Variants in AVEN observed in about 807,000 individuals in gnomAD.
AVEN encodes the protein cell death regulator Aven.
Under a neutral mutation model 38.1 loss-of-function variants are expected in AVEN, and 41 were observed. The observed-to-expected ratio is 1.08, with a 90% CI of 0.84 to 1.40. AVEN has a LOEUF of 1.40. AVEN is among the 40% of genes most tolerant of loss of function. AVEN has a pLI of 0.00. For missense variants in AVEN, 605 were observed against 438.8 expected, an observed-to-expected ratio of 1.38 and a Z score of -3.38; for synonymous variants, 206 against 171.8, an observed-to-expected ratio of 1.20 and a Z score of -1.56.
chr15:33,867,738 G>C lies in AVEN; in HGVS notation c.730C>G (p.Leu244Val). Residue 244 changes from leucine to valine, a missense_variant, in exon 5 of 6, where the codon CTG becomes GTG. By Grantham distance (32) the Leu-to-Val change is conservative. Transcript: ENST00000306730. ...GPGGRGPIFE[L>V]KSVAAGCPVL... Reference sequence around the variant, plus strand: ...GGGCAGCCAGCAGCCACAGATTTCAGCTCAAAGATGGGCCCCCTTCCTCCA... The same window carrying C: ...GGGCAGCCAGCAGCCACAGATTTCACCTCAAAGATGGGCCCCCTTCCTCCA... 3 of 1,614,156 alleles carry C rather than the reference G, an allele frequency of 1.9e-6. No homozygotes were observed. The highest frequency in any genetic ancestry group is 1.6e-4 in the Middle Eastern group (1 of 6,062).
rs1242678505 is a variant in AVEN, at chr15:33,908,330, T to A, written c.446-32335A>T. 4.1e-4 allele frequency among the ~76,000 whole-genome samples: 16 copies of A among 39,212 alleles called. 5 individuals carry two copies. Among genetic ancestry groups the A allele is most frequent in the Admixed American group, 4.0e-3 (13 of 3,214 alleles). 25.7% of individuals were successfully genotyped at this position (39,212 alleles called of 152,430 possible). A position where few individuals can be genotyped will look rare whatever the true frequency, so the allele number is the denominator to read the frequency against. ...TGCCTGCAATTAAGAAGCCATCACC[T>A]TTGTGTTATGACAGTTTTCTTCCTT... On this transcript the variant is annotated intron_variant, in intron 2 of 5. Coordinates refer to ENST00000306730, the MANE Select transcript of AVEN (RefSeq NM_020371.3).
intron 2 of AVEN, chr15:33,991,805 A>T (rs1158512268): frequency 6.6e-6 from 1 of 152,288 alleles, no homozygotes; most frequent in Non-Finnish European, 1.5e-5. Flanking sequence ...GTAGAAAAAG[A>T]AACACTGAAA....
chr15:33,872,686 G>C (rs1346026619), intron 3 of AVEN, among the ~76,000 whole-genome samples: 2 of 152,154 alleles, frequency 1.3e-5, no homozygotes, highest in Non-Finnish European at 2.9e-5. Context: ...AGTCCTACTG[G>C]ATAAGTCACC....
At chr15:33,980,180 C>A (rs549568661) in intron 2 of AVEN, among the ~76,000 whole-genome samples, 26 of 152,268 alleles carry the variant, frequency 1.7e-4, no homozygotes, top group African/African-American at 5.1e-4. Context: ...GAGCTGAAGA[C>A]ACATTAAAGT....
chr15:33,927,154 C>T (rs1373051745), intron 2 of AVEN, among the ~76,000 whole-genome samples: 1 of 151,816 alleles, frequency 6.6e-6, no homozygotes, highest in Non-Finnish European at 1.5e-5. Context: ...ACTGGGGAGG[C>T]TGAGGCAGGA....
At chr15:33,890,623 TAAG>T (rs1003840834) in intron 2 of AVEN, among the ~76,000 whole-genome samples, 1 of 151,736 alleles carries the variant, frequency 6.6e-6, no homozygotes, top group African/African-American at 2.4e-5. Context: ...ATAACTCAAA[TAAG>T]AACAAGTGGG....
chr15:33,958,593 G>A (rs58684861), intron 2 of AVEN, among the ~76,000 whole-genome samples: 39,317 of 121,952 alleles, frequency 0.32, 7,050 homozygotes, highest in African/African-American at 0.56. Flanking sequence ...CCTATCTCAA[G>A]AAAAAAAAAA....
At chr15:33,873,254 C>T (rs905946550) in intron 3 of AVEN, among the ~76,000 whole-genome samples, 1 of 150,930 alleles carries the variant, frequency 6.6e-6, no homozygotes, top group Non-Finnish European at 1.5e-5. Context: ...CGTGCCCCAC[C>T]ACGCCCAGCT....
intron 2 of AVEN, among the ~76,000 whole-genome samples, chr15:33,974,736 G>A (rs553236419): frequency 1.3e-5 from 2 of 152,320 alleles, no homozygotes; most frequent in African/African-American, 4.8e-5. Context: ...ACTTTGGGAG[G>A]CCGAGGCAGG....
intron 2 of AVEN, among the ~76,000 whole-genome samples, chr15:33,966,728 C>T (rs2140483756): frequency 6.6e-6 from 1 of 152,234 alleles, no homozygotes; most frequent in South Asian, 2.1e-4. Context: ...GTGTGGCACA[C>T]AAGTTATTTT....
At chr15:34,055,336 A>C (rs973716219) in intron 5 of AVEN, among the ~76,000 whole-genome samples, 6 of 151,610 alleles carry the variant, frequency 4.0e-5, no homozygotes, top group African/African-American at 1.5e-4. Flanking sequence ...CATCTCTACT[A>C]AAAATACAAA....
downstream of AVEN, among the ~76,000 whole-genome samples, chr15:33,857,129 T>TA (rs2079761844): frequency 6.6e-6 from 1 of 152,182 alleles, no homozygotes; most frequent in South Asian, 2.1e-4. Flanking sequence ...TAATGCCCTA[T>TA]ACATTAGTCT....
downstream of AVEN, chr15:33,864,127 C>T (rs1597140874): frequency 2.5e-6 from 4 of 1,606,142 alleles, no homozygotes; most frequent in African/African-American, 1.3e-5. Flanking sequence ...ACTATCTTTT[C>T]CTCGTTCCAG....
intron 1 of AVEN, among the ~76,000 whole-genome samples, chr15:34,022,917 G>A (rs1405321731): frequency 6.6e-6 from 1 of 152,226 alleles, no homozygotes; most frequent in Admixed American, 6.5e-5. Flanking sequence ...GCCGGGCGCG[G>A]TGGCTCACGC....
intron 2 of AVEN, among the ~76,000 whole-genome samples, chr15:33,952,429 T>C (rs1361944639): frequency 6.6e-6 from 1 of 152,186 alleles, no homozygotes; most frequent in African/African-American, 2.4e-5. Flanking sequence ...GTAACTTGGT[T>C]GCAGGAAATG....
chr15:33,960,039 G>A (rs1353142680), intron 2 of AVEN, among the ~76,000 whole-genome samples: 1 of 152,184 alleles, frequency 6.6e-6, no homozygotes, highest in East Asian at 1.9e-4. Flanking sequence ...CAAGGCAAGG[G>A]CCTTGTCGGA....
chr15:33,982,146 C>T (rs139124861), intron 2 of AVEN, among the ~76,000 whole-genome samples: 14,084 of 151,998 alleles, frequency 0.093, 789 homozygotes, highest in South Asian at 0.24. Context: ...GGATTACAGG[C>T]ATGAACCACC....
intron 2 of AVEN, among the ~76,000 whole-genome samples, chr15:33,998,972 C>A (rs993444217): frequency 6.6e-6 from 1 of 152,210 alleles, no homozygotes; most frequent in African/African-American, 2.4e-5. Context: ...GGCCTGGATC[C>A]TGAACCCCAC....
At chr15:33,938,005 A>C (rs1294730667) in intron 2 of AVEN, among the ~76,000 whole-genome samples, 4 of 151,576 alleles carry the variant, frequency 2.6e-5, no homozygotes, top group African/African-American at 9.7e-5. Flanking sequence ...TGAAAAATCA[A>C]CCATTTAAAA....
Sources: allele counts gnomAD v4.1 joint callset (sites outside exome capture counted in the v4.1 genomes callset), GRCh38; gene constraint gnomAD v4.1.1; transcripts MANE v1.5; gene names NCBI Gene and HGNC (gene_info 2026-07-23, HGNC 2026-07-21).